DAB1: variants seen among roughly 807,000 people sequenced by gnomAD.
The protein encoded by DAB1 is disabled homolog 1.
DAB1 carries 15 observed loss-of-function variants against 64.6 expected under a neutral mutation model. The observed-to-expected ratio is 0.23, with a 90% CI of 0.16 to 0.36. The LOEUF (loss-of-function observed/expected upper bound fraction) is 0.36. Among genes scored for constraint, DAB1 ranks in the 10% least tolerant of loss-of-function variants. The pLI, the probability that DAB1 is intolerant of heterozygous loss-of-function variation, is 1.00. For missense variants in DAB1, 596 were observed against 706.7 expected (o/e 0.84, Z 1.78); for synonymous variants, 235 against 251.9 (o/e 0.93, Z 0.64).
intron 6 of DAB1, among the ~76,000 whole-genome samples, chr1:57,727,949 TG>T (rs1393865475): frequency 1.3e-5 from 2 of 151,802 alleles, no homozygotes; most frequent in African/African-American, 4.8e-5. Flanking sequence ...TGGAGGAGGG[TG>T]TCAGACAGAT....
intron 5 of DAB1, among the ~76,000 whole-genome samples, chr1:58,122,586 GTTAT>G (rs1024805697): frequency 6.9e-6 from 1 of 145,272 alleles, no homozygotes; most frequent in African/African-American, 2.5e-5. Context: ...TCACAACTGG[GTTAT>G]TTGTTGTAAA....
chr1:57,390,326 C>T (rs1682242850), intron 1 of DAB1, among the ~76,000 whole-genome samples: 1 of 152,176 alleles, frequency 6.6e-6, no homozygotes, highest in Non-Finnish European at 1.5e-5. Context: ...TCAATTTCTG[C>T]CTGTAATGGA....
chr1:58,133,350 G>A lies in DAB1; in HGVS notation n.387+17161C>T, dbSNP rs923892856. Among the ~76,000 whole-genome samples, 9 of 152,080 alleles carry A rather than the reference G, an allele frequency of 5.9e-5. No individual in the cohort carries two copies. In the East Asian group the frequency reaches 1.2e-3, roughly 20 times the overall value. The stretch of plus-strand genomic sequence containing the variant: ...ACCCTCAAAAGGTCACTCAGGAATC[G>A]TACTCTCTGGGACTCCCTAGCTAAT... On this transcript the variant is annotated intron_variant and non_coding_transcript_variant, in intron 5 of 20. Transcript: ENST00000485760.
intron 2 of DAB1, among the ~76,000 whole-genome samples, chr1:57,285,860 T>G (rs1672275843): frequency 6.6e-6 from 1 of 152,314 alleles, no homozygotes. Flanking sequence ...TACCATGATC[T>G]TCCACTGAGT....
At chr1:57,999,378 C>A (rs538882448) in intron 5 of DAB1, among the ~76,000 whole-genome samples, 4 of 152,142 alleles carry the variant, frequency 2.6e-5, no homozygotes, top group Non-Finnish European at 4.4e-5. Context: ...CATTCCAAAT[C>A]GATTGCCTCA....
In DAB1 at chr1:57,545,407, G is replaced by A. The variant is rs147671743; in HGVS notation, n.625+104185C>T. ...GTAGGCTTTGTCTGCATTGTTCACTGCTATTTAGGATGACTGATTTGTCGC... is the reference window on the plus strand; with the variant it reads ...GTAGGCTTTGTCTGCATTGTTCACTACTATTTAGGATGACTGATTTGTCGC... On this transcript the variant is annotated intron_variant and non_coding_transcript_variant, in intron 7 of 20. Coordinates refer to the DAB1 transcript ENST00000485760. 5.3e-5 allele frequency among the ~76,000 whole-genome samples: 8 copies of A among 152,274 alleles called. No individual in the cohort carries two copies. In the South Asian group the frequency reaches 1.2e-3, roughly 24 times the overall value.
chr1:57,189,372 G>A (rs1241760414), intron 2 of DAB1, among the ~76,000 whole-genome samples: 2 of 152,148 alleles, frequency 1.3e-5, no homozygotes, highest in African/African-American at 2.4e-5. Context: ...AGGGAAGGTA[G>A]CAACCTAGTT....
rs527419807 is a variant in DAB1, at chr1:57,649,937, C to T, written n.552-272G>A. On this transcript the variant is annotated intron_variant and non_coding_transcript_variant, in intron 6 of 20. Coordinates refer to the DAB1 transcript ENST00000485760. ...TTTGTATCTGAGATACATACATATG[C>T]ACATACATACATATCTACACATACA... 2.6e-5 allele frequency among the ~76,000 whole-genome samples: 4 copies of T among 152,190 alleles called. No homozygotes were observed. In the East Asian group the frequency reaches 7.7e-4, roughly 29 times the overall value.
intron 7 of DAB1, among the ~76,000 whole-genome samples, chr1:57,468,838 T>G (rs941422656): frequency 1.3e-4 from 20 of 152,216 alleles, no homozygotes; most frequent in Non-Finnish European, 2.1e-4. Context: ...CACTTACTCA[T>G]GCATTCATTC....
intron 2 of DAB1, among the ~76,000 whole-genome samples, chr1:57,285,029 G>A (rs1362142663): frequency 6.6e-6 from 1 of 152,128 alleles, no homozygotes; most frequent in Non-Finnish European, 1.5e-5. Flanking sequence ...AAATATGAAG[G>A]CAGCTTTTTG....
At chr1:58,240,174 C>T (rs1660226002) in intron 4 of DAB1, among the ~76,000 whole-genome samples, 1 of 152,202 alleles carries the variant, frequency 6.6e-6, no homozygotes, top group African/African-American at 2.4e-5. Context: ...AATAGAACCT[C>T]AATTCTGGCA....
intron 1 of DAB1, among the ~76,000 whole-genome samples, chr1:57,408,416 T>C (rs1683832307): frequency 6.6e-6 from 1 of 152,194 alleles, no homozygotes; most frequent in Non-Finnish European, 1.5e-5. Flanking sequence ...TGACTATTCC[T>C]ACTCACGGGG....
At chr1:58,047,427 C>G (rs901615495) in intron 5 of DAB1, among the ~76,000 whole-genome samples, 1 of 152,106 alleles carries the variant, frequency 6.6e-6, no homozygotes, top group Admixed American at 6.6e-5. Context: ...GGTGGGCCTT[C>G]GCTGCTGCTG....
chr1:57,659,688 G>T (rs1471307630), intron 6 of DAB1, among the ~76,000 whole-genome samples: 2 of 152,042 alleles, frequency 1.3e-5, no homozygotes, highest in Non-Finnish European at 2.9e-5. Context: ...ATGAAAAAAA[G>T]ATGGGGGCTG....
intron 5 of DAB1, among the ~76,000 whole-genome samples, chr1:58,091,968 A>ACACACACACACACAC (rs1553159212): frequency 2.8e-4 from 42 of 151,472 alleles, no homozygotes; most frequent in African/African-American, 1.0e-3. Flanking sequence ...ACACACACAC[A>ACACACACACACACAC]AACTAACATA....
intron 4 of DAB1, among the ~76,000 whole-genome samples, chr1:58,295,060 C>G (rs1027726767): frequency 6.6e-6 from 1 of 152,020 alleles, no homozygotes; most frequent in African/African-American, 2.4e-5. Context: ...CTTTGGAAAG[C>G]CTTTCCTGAC....
Position 57,090,067 on chromosome 1 carries a change from T to C in DAB1, c.307-17653A>G, listed in dbSNP as rs564855900. On this transcript the variant is annotated intron_variant, in intron 4 of 14. Transcript: ENST00000371236. Reference sequence around the variant, plus strand: ...AAGTGAGCAGAGGCAAAACTTGGCTTGAAACTGCTGCAATGCATTCTTTCT... The same window carrying C: ...AAGTGAGCAGAGGCAAAACTTGGCTCGAAACTGCTGCAATGCATTCTTTCT... Among the ~76,000 whole-genome samples, 7 of 152,302 alleles carry C rather than the reference T, an allele frequency of 4.6e-5. No homozygotes were observed. The South Asian group carries it at 1.0e-3, about 23-fold the overall frequency.
chr1:58,070,153 A>G (rs962639360), intron 5 of DAB1, among the ~76,000 whole-genome samples: 1 of 152,212 alleles, frequency 6.6e-6, no homozygotes, highest in Non-Finnish European at 1.5e-5. Context: ...ACAGAGATAG[A>G]ACTGTGATGC....
intron 7 of DAB1, among the ~76,000 whole-genome samples, chr1:57,598,586 G>A (rs1265535670): frequency 1.3e-5 from 2 of 152,168 alleles, no homozygotes; most frequent in African/African-American, 4.8e-5. Context: ...GCACTGTGCT[G>A]GGAATACAGA....
Sources: allele counts gnomAD v4.1 joint callset (sites outside exome capture counted in the v4.1 genomes callset), GRCh38; gene constraint gnomAD v4.1.1; transcripts MANE v1.5; gene names NCBI Gene and HGNC (gene_info 2026-07-23, HGNC 2026-07-21).